Variants in PTPRK observed in about 807,000 individuals in gnomAD.
PTPRK encodes protein tyrosine phosphatase receptor type K.
A neutral mutation model predicts 178.0 loss-of-function variants in PTPRK; 75 were observed. The ratio of observed to expected loss-of-function variants is 0.42; its 90% CI spans 0.35 to 0.51. The LOEUF (loss-of-function observed/expected upper bound fraction) is 0.51. Ranked by LOEUF, PTPRK falls within the 20% of genes least tolerant of loss-of-function variation. The pLI is 0.02. For missense variants in PTPRK, 1,441 were observed against 1,797.8 expected (o/e 0.80, Z 3.59); for synonymous variants, 637 against 620.6 (o/e 1.03, Z -0.39).
intron 6 of PTPRK, among the ~76,000 whole-genome samples, chr6:128,198,026 C>T (rs1422651349): frequency 6.6e-6 from 1 of 152,072 alleles, no homozygotes; most frequent in Non-Finnish European, 1.5e-5. Flanking sequence ...TGATTCTAGC[C>T]TCCAGGAGTT....
In PTPRK at chr6:128,184,737, G is replaced by T. The variant is rs766768916; in HGVS notation, c.869-12C>A. On this transcript the variant is annotated splice_polypyrimidine_tract_variant and intron_variant, in intron 6 of 29. Transcript: ENST00000368226. ...GGGTCTTGGCGGTTCTAGGAGAGAT[G>T]AGTGTGCACTTCAATTAGTAAGATT... 1.2e-6 allele frequency: 2 copies of T among 1,608,212 alleles called. No homozygotes were observed. Among genetic ancestry groups the T allele is most frequent in the Non-Finnish European group, 1.7e-6 (2 of 1,176,144 alleles).
At chr6:128,217,783 C>A (rs1427293311) in intron 6 of PTPRK, among the ~76,000 whole-genome samples, 1 of 152,070 alleles carries the variant, frequency 6.6e-6, no homozygotes, top group Non-Finnish European at 1.5e-5. Context: ...TTTCTCTCAA[C>A]CTTCAGATCC....
chr6:128,321,629 G>A (rs1428759856), intron 3 of PTPRK: 4 of 568,290 alleles, frequency 7.0e-6, no homozygotes, highest in African/African-American at 1.9e-5. Flanking sequence ...CTTTCAAAAA[G>A]TCAGTAAATC....
chr6:128,184,977 T>C (rs557057241), intron 6 of PTPRK, among the ~76,000 whole-genome samples: 1 of 152,242 alleles, frequency 6.6e-6, no homozygotes, highest in African/African-American at 2.4e-5. Context: ...GATCAACTTG[T>C]AAAGTCACAG....
At chr6:128,088,699 T>C (rs1282545647) in intron 8 of PTPRK, among the ~76,000 whole-genome samples, 2 of 152,196 alleles carry the variant, frequency 1.3e-5, no homozygotes, top group East Asian at 3.8e-4. Context: ...TATAATATAC[T>C]GTAGTGCTAT....
At chr6:128,182,375 A>G (rs895758630) in intron 7 of PTPRK, among the ~76,000 whole-genome samples, 8 of 152,174 alleles carry the variant, frequency 5.3e-5, no homozygotes, top group African/African-American at 1.9e-4. Flanking sequence ...CAGGAGTTCA[A>G]GACCAGCCTG....
chr6:128,389,780 T>TA (rs1180085390), intron 2 of PTPRK, among the ~76,000 whole-genome samples: 3 of 152,056 alleles, frequency 2.0e-5, no homozygotes, highest in East Asian at 3.8e-4. Flanking sequence ...TCCCCTGAAA[T>TA]ATATTAGGAC....
chr6:128,279,790 G>C (rs1035263723), intron 3 of PTPRK, among the ~76,000 whole-genome samples: 1 of 152,156 alleles, frequency 6.6e-6, no homozygotes, highest in African/African-American at 2.4e-5. Context: ...AATGTACTGA[G>C]TGGAAGAAAG....
intron 21 of PTPRK, among the ~76,000 whole-genome samples, chr6:127,988,544 C>T (rs1776236613): frequency 6.6e-6 from 1 of 151,154 alleles, no homozygotes; most frequent in African/African-American, 2.4e-5. Flanking sequence ...ATCCTATTTT[C>T]TTCTACCATC....
rs1778285053 is a variant in PTPRK, at chr6:128,005,258, T to C, written c.2334-14A>G. On this transcript the variant is annotated splice_polypyrimidine_tract_variant and intron_variant, in intron 14 of 29. Transcript: ENST00000368226. ...TTAGCAAGTTTGCTGCCAAGGCAAA[T>C]ACAAAAGGGCATCCTTAGTGTTTGA... 6.2e-7 allele frequency: 1 copy of C among 1,610,266 alleles called. No homozygotes were observed. Among genetic ancestry groups the C allele is most frequent in the Admixed American group, 1.7e-5 (1 of 59,698 alleles).
chr6:128,321,625 A>G, intron 3 of PTPRK: 1 of 569,672 alleles, frequency 1.8e-6, no homozygotes, highest in East Asian at 2.9e-5. Flanking sequence ...GTTACTTTCA[A>G]AAAGTCAGTA....
chr6:128,320,080 C>A (rs979143357), intron 3 of PTPRK, among the ~76,000 whole-genome samples: 8 of 152,120 alleles, frequency 5.3e-5, no homozygotes, highest in Admixed American at 3.9e-4. Context: ...TCATCATTTT[C>A]TCTGACAAAA....
chr6:128,107,492 A>T lies in PTPRK; in HGVS notation c.1163-17500T>A, dbSNP rs1419979333. Among the ~76,000 whole-genome samples the T allele has an allele frequency of 2.0e-5, 3 of 152,182 alleles. No individual in the cohort carries two copies. The East Asian group carries it at 5.8e-4, about 29-fold the overall frequency. ...TAATGTATTAATTCCTCTAGCCCAA[A>T]GCTGTATAATGTAAAAAGTGATGGA... On this transcript the variant is annotated intron_variant, in intron 7 of 29. Coordinates refer to ENST00000368226, the MANE Select transcript of PTPRK (RefSeq NM_002844.4).
chr6:128,464,649 A>ATATATG (rs1849580460), intron 1 of PTPRK, among the ~76,000 whole-genome samples: 2 of 96,172 alleles, frequency 2.1e-5, no homozygotes, highest in East Asian at 2.5e-4. Context: ...ATATATATAT[A>ATATATG]TATATATATA....
intron 1 of PTPRK, among the ~76,000 whole-genome samples, chr6:128,444,336 C>A (rs575761930): frequency 1.3e-5 from 2 of 152,170 alleles, no homozygotes; most frequent in Non-Finnish European, 2.9e-5. Flanking sequence ...TGATGTATCT[C>A]ACCACCCTGG....
chr6:128,086,244 A>C (rs1219341881), intron 8 of PTPRK, among the ~76,000 whole-genome samples: 1 of 152,168 alleles, frequency 6.6e-6, no homozygotes, highest in African/African-American at 2.4e-5. Context: ...GCAAGATTAT[A>C]TTAGATAAGC....
At chr6:128,251,974 A>G (rs1816538790) in intron 3 of PTPRK, among the ~76,000 whole-genome samples, 1 of 152,168 alleles carries the variant, frequency 6.6e-6, no homozygotes, top group South Asian at 2.1e-4. Flanking sequence ...GCATCCACCA[A>G]CTGCAGGCCT....
chr6:128,394,851 C>G (rs1024331503), intron 2 of PTPRK, among the ~76,000 whole-genome samples: 9 of 152,038 alleles, frequency 5.9e-5, no homozygotes, highest in African/African-American at 2.2e-4. Flanking sequence ...TCTATTTATT[C>G]ATCCTTTTTT....
chr6:128,314,754 G>A lies in PTPRK; in HGVS notation c.495+7285C>T, dbSNP rs72969051. Among the ~76,000 whole-genome samples the A allele has an allele frequency of 1.3e-5, 2 of 151,492 alleles. 1 individual carries two copies. The highest frequency in any genetic ancestry group is 4.1e-4 in the South Asian group (2 of 4,824). On this transcript the variant is annotated intron_variant, in intron 3 of 29. Transcript: ENST00000368226. The stretch of plus-strand genomic sequence containing the variant: ...AGAATGGACATGAACATGTGATAAT[G>A]GATATTAAACACAGGTCAAATGAGA...
Sources: gnomAD v4.1 joint callset for allele counts (sites outside exome capture counted in the v4.1 genomes callset) on GRCh38, gnomAD v4.1.1 for gene constraint, MANE v1.5 for transcripts, NCBI Gene and HGNC (gene_info 2026-07-23, HGNC 2026-07-21) for gene names.